IDH1: variants seen among roughly 807,000 people sequenced by gnomAD.
The protein encoded by IDH1 is isocitrate dehydrogenase [NADP] cytoplasmic.
In IDH1, 33 loss-of-function variants were observed where a neutral mutation model predicts 46.1. The observed-to-expected ratio is 0.72, with a 90% CI of 0.54 to 0.96. The LOEUF (loss-of-function observed/expected upper bound fraction) is 0.96. Ranked by LOEUF, IDH1 falls within the 40% of genes least tolerant of loss-of-function variation. IDH1 has a pLI of 0.00. For missense variants in IDH1, 421 were observed against 515.7 expected, an observed-to-expected ratio of 0.82 and a Z score of 1.78; for synonymous variants, 144 against 172.8, an observed-to-expected ratio of 0.83 and a Z score of 1.31.
chr2:208,249,480 A>G (rs746396928), intron 3 of IDH1, among the ~76,000 whole-genome samples: 14 of 152,228 alleles, frequency 9.2e-5, no homozygotes, highest in Middle Eastern at 3.2e-3. Flanking sequence ...ATACACCAAC[A>G]CAAAGATTGC....
chr2:208,246,957 A>G (rs901196574), intron 4 of IDH1, among the ~76,000 whole-genome samples: 1 of 152,140 alleles, frequency 6.6e-6, no homozygotes, highest in Non-Finnish European at 1.5e-5. Context: ...ACAAAAAACA[A>G]AAAGGATATA....
chr2:208,241,931 TC>T, intron 7 of IDH1, 62 bp downstream of exon 7: 2 of 1,563,318 alleles, frequency 1.3e-6, no homozygotes, highest in Non-Finnish European at 1.8e-6. Context: ...AAACTCCCCT[TC>T]CCAAATTAGA....
chr2:208,249,221 G>A (rs966667760), intron 3 of IDH1, among the ~76,000 whole-genome samples: 51 of 143,582 alleles, frequency 3.6e-4, no homozygotes, highest in Non-Finnish European at 4.5e-4. Flanking sequence ...GATGAGTCTC[G>A]TTTTGTTGCC....
chr2:208,243,970 C>A (rs1379317706), intron 5 of IDH1, among the ~76,000 whole-genome samples: 1 of 152,210 alleles, frequency 6.6e-6, no homozygotes, highest in Non-Finnish European at 1.5e-5. Flanking sequence ...GGATATTTGT[C>A]CCTTCCAAAT....
intron 3 of IDH1, 125 bp from the exon 4 acceptor site, chr2:208,248,785 C>A: frequency 1.2e-6 from 1 of 868,376 alleles, no homozygotes; most frequent in South Asian, 1.5e-5. Flanking sequence ...CCAAAATCTG[C>A]CAAGTTTTAG....
intron 3 of IDH1, among the ~76,000 whole-genome samples, chr2:208,248,868 T>A (rs937422132): frequency 2.0e-5 from 3 of 152,192 alleles, no homozygotes; most frequent in African/African-American, 4.8e-5. Flanking sequence ...ACTGCTGGGC[T>A]GCCCCTCCTC....
At chr2:208,245,469 G>C (rs1468691787) in intron 4 of IDH1, 45 bp from the exon 5 acceptor site, 1 of 1,045,802 alleles carries the variant, frequency 9.6e-7, no homozygotes, top group Non-Finnish European at 1.5e-6. Flanking sequence ...AAATACCCTA[G>C]CAGGAATTGT....
In IDH1 at chr2:208,236,833, C is replaced by T. The variant is rs1026161482; in HGVS notation, c.*246G>A. 4 of 493,142 alleles carry T rather than the reference C, an allele frequency of 8.1e-6. No individual in the cohort carries two copies. Among genetic ancestry groups the T allele is most frequent in the Non-Finnish European group, 1.4e-5 (4 of 277,412 alleles). 30.5% of individuals were successfully genotyped at this position (493,142 alleles called of 1,614,324 possible). ...ACAGTGAATACAAATGAGTACTAAC[C>T]GAATTCCTAGGCTGGTACTAGAAAA... On this transcript the variant is annotated 3_prime_UTR_variant, in exon 10 of 10. Transcript: ENST00000345146.
At chr2:208,242,236 C>A in intron 6 of IDH1, 91 bp from the exon 7 acceptor site, 1 of 1,176,600 alleles carries the variant, frequency 8.5e-7, no homozygotes, top group Admixed American at 1.7e-5. Flanking sequence ...AGACCGGACA[C>A]ACAAGAAGCA....
chr2:208,245,543 C>CTTTTT, intron 4 of IDH1, 119 bp from the exon 5 acceptor site: 2 of 310,740 alleles, frequency 6.4e-6, no homozygotes, highest in Non-Finnish European at 1.1e-5. Flanking sequence ...GTATGTCAAA[C>CTTTTT]TTCTTTTTTT....
At chr2:208,240,760 GA>G (rs1236634441) in intron 7 of IDH1, among the ~76,000 whole-genome samples, 1 of 152,124 alleles carries the variant, frequency 6.6e-6, no homozygotes, top group Non-Finnish European at 1.5e-5. Flanking sequence ...CATCACCTGT[GA>G]AGTTAATAAT....
chr2:208,239,334 T>C, intron 8 of IDH1, 101 bp from the exon 9 acceptor site: 2 of 1,227,006 alleles, frequency 1.6e-6, no homozygotes, highest in South Asian at 1.3e-5. Context: ...TTTGTTTAGG[T>C]GACAGACTTC....
intron 3 of IDH1, 123 bp from the exon 4 acceptor site, chr2:208,248,783 T>C: frequency 2.3e-6 from 2 of 881,208 alleles, no homozygotes; most frequent in Non-Finnish European, 3.6e-6. Flanking sequence ...CACCAAAATC[T>C]GCCAAGTTTT....
intron 9 of IDH1, among the ~76,000 whole-genome samples, chr2:208,238,297 A>ATCC (rs1214262385): frequency 6.6e-6 from 1 of 152,144 alleles, no homozygotes; most frequent in Non-Finnish European, 1.5e-5. Flanking sequence ...GGCCTCCCAA[A>ATCC]GTGCTAGGAT....
intron 3 of IDH1, 177 bp downstream of exon 3, chr2:208,251,253 C>A: frequency 4.6e-6 from 2 of 437,946 alleles, no homozygotes; most frequent in Non-Finnish European, 4.0e-6. Flanking sequence ...CCTTTTTTTT[C>A]CTTTTTTTTT....
intron 4 of IDH1, 45 bp downstream of exon 4, chr2:208,248,324 G>GA (rs759746340): frequency 0.025 from 28,939 of 1,159,238 alleles, no homozygotes; most frequent in Non-Finnish European, 0.029. Context: ...TCTGGGCCAT[G>GA]AAAAAAAAAA....
chr2:208,244,140 T>C (rs1687974242), intron 5 of IDH1, among the ~76,000 whole-genome samples: 1 of 152,128 alleles, frequency 6.6e-6, no homozygotes, highest in Non-Finnish European at 1.5e-5. Context: ...TGTTTAAGAG[T>C]CTGGGACCTC....
intron 9 of IDH1, among the ~76,000 whole-genome samples, chr2:208,238,856 T>C (rs989492384): frequency 6.6e-6 from 1 of 152,210 alleles, no homozygotes; most frequent in Non-Finnish European, 1.5e-5. Flanking sequence ...CCTGCTACAA[T>C]GGCAGAGGCA....
Position 208,254,931 on chromosome 2 carries a change from G to A in IDH1, c.-91+8C>T, listed in dbSNP as rs1404327985. 6.6e-6 allele frequency: 1 copy of A among 152,416 alleles called. No individual in the cohort carries two copies. Among genetic ancestry groups the A allele is most frequent in the African/African-American group, 2.4e-5 (1 of 41,476 alleles). The allele number at this position is 152,416 out of a possible 1,614,324, so 9.4% of individuals were successfully genotyped here. A position where few individuals can be genotyped will look rare whatever the true frequency, so the allele number is the denominator to read the frequency against. Reference sequence around the variant, plus strand: ...GGACCGGGGCCGCCCCTTGGAGCCTGAGGTTACCTGCCGGGATGATATGCT... The same window carrying A: ...GGACCGGGGCCGCCCCTTGGAGCCTAAGGTTACCTGCCGGGATGATATGCT... On this transcript the variant is annotated splice_region_variant and intron_variant, in intron 1 of 9. Coordinates refer to ENST00000345146, the MANE Select transcript of IDH1 (RefSeq NM_005896.4).
Sources: gnomAD v4.1 joint callset for allele counts (sites outside exome capture counted in the v4.1 genomes callset) on GRCh38, gnomAD v4.1.1 for gene constraint, MANE v1.5 for transcripts, NCBI Gene and HGNC (gene_info 2026-07-23, HGNC 2026-07-21) for gene names.